The following PRKAR1A variants were observed in gnomAD, a reference collection of about 807,000 sequenced individuals.
PRKAR1A encodes protein kinase cAMP-dependent type I regulatory subunit alpha, also known as cAMP-dependent protein kinase type I-alpha regulatory subunit.
A neutral mutation model predicts 52.0 loss-of-function variants in PRKAR1A; 3 were observed. The ratio of observed to expected loss-of-function variants is 0.06; its 90% CI spans 0.03 to 0.15. The LOEUF is 0.15. Among genes scored for constraint, PRKAR1A ranks in the 10% least tolerant of loss-of-function variants. The pLI is 1.00. For missense variants in PRKAR1A, 240 were observed against 477.4 expected, an observed-to-expected ratio of 0.50 and a Z score of 4.63; for synonymous variants, 188 against 168.4, an observed-to-expected ratio of 1.12 and a Z score of -0.90.
At chr17:68,462,791 G>A in the PRKAR1A span, among the ~76,000 whole-genome samples, 1 of 152,210 alleles carries the variant, frequency 6.6e-6, no homozygotes, top group Non-Finnish European at 1.5e-5. Context: ...AAGGGACAGA[G>A]GAGCAAGGGG....
chr17:68,489,010 T>G, the PRKAR1A span, among the ~76,000 whole-genome samples: 1 of 149,672 alleles, frequency 6.7e-6, no homozygotes, highest in Admixed American at 6.7e-5. Context: ...TTTTTAAAAA[T>G]TTGAAAAAAA....
In PRKAR1A at chr17:68,530,172, A is replaced by G. The variant is rs866991162; in HGVS notation, c.974-105A>G. ...TTTTGATCTTTACTCATTTAATGAA[A>G]TTACTGATTGTCTCATATCTATTGT... On this transcript the variant is annotated intron_variant, in intron 10 of 10. Coordinates refer to ENST00000589228, the MANE Select transcript of PRKAR1A (RefSeq NM_002734.5). The G allele has an allele frequency of 3.3e-6, 5 of 1,519,088 alleles. 1 individual carries two copies. The Middle Eastern group carries it at 7.9e-4, about 239-fold the overall frequency. The allele number at this position is 1,519,088 out of a possible 1,614,324, so 94.1% of individuals were successfully genotyped here. A position where few individuals can be genotyped will look rare whatever the true frequency, so the allele number is the denominator to read the frequency against.
chr17:68,531,267 T>C lies in PRKAR1A; in HGVS notation c.*818T>C, dbSNP rs2085967370. 2 of 1,066,282 alleles carry C rather than the reference T, an allele frequency of 1.9e-6. No individual in the cohort carries two copies. Among genetic ancestry groups the C allele is most frequent in the Admixed American group, 5.3e-5 (1 of 18,766 alleles). 66.1% of individuals were successfully genotyped at this position (1,066,282 alleles called of 1,614,324 possible). Reference sequence around the variant, plus strand: ...TAGTGCCAAATAATTGATCAGATGCTGAATTGAGAATAAGAATTTGAGGTC... The same window carrying C: ...TAGTGCCAAATAATTGATCAGATGCCGAATTGAGAATAAGAATTTGAGGTC... On this transcript the variant is annotated 3_prime_UTR_variant, in exon 11 of 11. Transcript: ENST00000589228.
chr17:68,462,697 G>C, the PRKAR1A span, among the ~76,000 whole-genome samples: 1 of 152,148 alleles, frequency 6.6e-6, no homozygotes, highest in South Asian at 2.1e-4. Context: ...TGGGTGCCCA[G>C]GTTGCCTGTC....
At chr17:68,471,437 C>G in the PRKAR1A span, among the ~76,000 whole-genome samples, 3 of 152,220 alleles carry the variant, frequency 2.0e-5, no homozygotes, top group Non-Finnish European at 4.4e-5. Flanking sequence ...CCTCCTCCCC[C>G]AGACATAGAC....
chr17:68,522,353 A>G (rs1445832813), intron 2 of PRKAR1A, among the ~76,000 whole-genome samples: 1 of 152,214 alleles, frequency 6.6e-6, no homozygotes, highest in African/African-American at 2.4e-5. Context: ...TTCTTTTGGC[A>G]GGAGGGTCTC....
At chr17:68,461,857 G>A in the PRKAR1A span, among the ~76,000 whole-genome samples, 2 of 152,086 alleles carry the variant, frequency 1.3e-5, no homozygotes, top group East Asian at 1.9e-4. The surrounding 1 kb of genome is among the most constrained non-coding windows in gnomAD (Gnocchi z 4.6). Context: ...GGTGATTTCT[G>A]GGAAAGGAGA....
At chr17:68,464,216 G>C in the PRKAR1A span, among the ~76,000 whole-genome samples, 1 of 152,146 alleles carries the variant, frequency 6.6e-6, no homozygotes, top group African/African-American at 2.4e-5. Flanking sequence ...AGACCCACTC[G>C]ATTTCTCCAC....
the PRKAR1A span, among the ~76,000 whole-genome samples, chr17:68,415,941 A>G: frequency 1.3e-5 from 2 of 152,144 alleles, no homozygotes; most frequent in African/African-American, 4.8e-5. Flanking sequence ...AAGGCAGCAG[A>G]TGGTTGGTTG....
the PRKAR1A span, chr17:68,414,016 G>A: frequency 6.4e-6 from 1 of 155,532 alleles, no homozygotes; most frequent in Non-Finnish European, 1.4e-5. Flanking sequence ...CCACTGTCTG[G>A]CACTCCCTAG....
chr17:68,434,182 T>A, the PRKAR1A span, among the ~76,000 whole-genome samples: 1 of 152,198 alleles, frequency 6.6e-6, no homozygotes, highest in African/African-American at 2.4e-5. Context: ...TGTGCACTGA[T>A]CTGGCTGCAA....
intron 2 of PRKAR1A, among the ~76,000 whole-genome samples, chr17:68,516,686 C>G (rs1051657556): frequency 6.6e-6 from 1 of 151,642 alleles, no homozygotes; most frequent in Non-Finnish European, 1.5e-5. Flanking sequence ...TCTTTAAAAA[C>G]TGATTGTTAA....
chr17:68,460,835 A>G, the PRKAR1A span, among the ~76,000 whole-genome samples: 5 of 152,242 alleles, frequency 3.3e-5, no homozygotes, highest in Non-Finnish European at 7.3e-5. Context: ...GTAAGCAGCC[A>G]CTTTGAAGAG....
chr17:68,454,352 T>G, the PRKAR1A span, among the ~76,000 whole-genome samples: 1 of 152,236 alleles, frequency 6.6e-6, no homozygotes, highest in Non-Finnish European at 1.5e-5. Flanking sequence ...ATTACAAGCC[T>G]GGATGGCCAA....
intron 7 of PRKAR1A, among the ~76,000 whole-genome samples, chr17:68,526,725 G>A (rs1031501774): frequency 6.6e-6 from 1 of 152,138 alleles, no homozygotes; most frequent in African/African-American, 2.4e-5. Flanking sequence ...ATGAGAACAC[G>A]TGGATACTAG....
the PRKAR1A span, among the ~76,000 whole-genome samples, chr17:68,475,007 G>C: frequency 6.6e-6 from 1 of 152,138 alleles, no homozygotes; most frequent in East Asian, 1.9e-4. Flanking sequence ...ATTTATTTTT[G>C]TAATGAAAGA....
the PRKAR1A span, among the ~76,000 whole-genome samples, chr17:68,492,191 C>A: frequency 6.6e-6 from 1 of 152,186 alleles, no homozygotes; most frequent in Non-Finnish European, 1.5e-5. Context: ...GTTCATTCGG[C>A]AGGTGCTCAA....
Position 68,529,915 on chromosome 17 carries a change from T to A in PRKAR1A, c.892-5T>A. On this transcript the variant is annotated splice_polypyrimidine_tract_variant and splice_region_variant and intron_variant, in intron 9 of 10. Transcript: ENST00000589228. The stretch of plus-strand genomic sequence containing the variant: ...TTGTTTAGCTTTTTGGTGATTTTAT[T>A]ATAGGGGTCAGCTGCTGTGCTACAA... 1 of 1,613,926 alleles carries A rather than the reference T, an allele frequency of 6.2e-7. No individual in the cohort carries two copies. Among genetic ancestry groups the A allele is most frequent in the Non-Finnish European group, 8.5e-7 (1 of 1,179,866 alleles).
rs780660642 is a variant in PRKAR1A at position 68,539,885 on chromosome 17, C to G, written c.973+9884C>G. ...GTTGAACACACGTGGGGAAGCTCAC[C>G]CTCTGGCGTTGTCAAGGTGAATAAG... On this transcript the variant is annotated intron_variant, in intron 11 of 11. Transcript: ENST00000585981. The G allele has an allele frequency of 1.7e-5, 28 of 1,613,898 alleles. No homozygotes were observed. The highest frequency in any genetic ancestry group is 2.4e-5 in the Non-Finnish European group (28 of 1,179,908).
Sources: gnomAD v4.1 joint callset for allele counts (sites outside exome capture counted in the v4.1 genomes callset) on GRCh38, gnomAD v4.1.1 for gene constraint, Gnocchi (gnomAD v3.1) non-coding constraint, MANE v1.5 for transcripts, NCBI Gene and HGNC (gene_info 2026-07-23, HGNC 2026-07-21) for gene names.